The following SEC61A2 variants were observed in gnomAD, a reference collection of about 807,000 sequenced individuals.
The protein encoded by SEC61A2 is SEC61 translocon subunit alpha 2, also known as protein transport protein Sec61 subunit alpha isoform 2.
SEC61A2 carries 28 observed loss-of-function variants against 59.9 expected under a neutral mutation model. That is an observed-to-expected ratio of 0.47 (90% CI 0.35 to 0.64). The LOEUF (loss-of-function observed/expected upper bound fraction) is 0.64. Ranked by LOEUF, SEC61A2 falls within the 30% of genes least tolerant of loss-of-function variation. The pLI is 0.01. For synonymous variants in SEC61A2, 202 were observed against 214.4 expected (o/e 0.94, Z 0.50); for missense variants, 340 against 585.9 (o/e 0.58, Z 4.33).
chr10:12,153,744 C>G lies in SEC61A2; in HGVS notation c.463-2034C>G. ...CCATTGGTGTCTTTTCAAGGCGTTA[C>G]TAACATTGAAAATATGTGGATACAC... On this transcript the variant is annotated intron_variant, in intron 6 of 11. Coordinates refer to ENST00000298428, the MANE Select transcript of SEC61A2 (RefSeq NM_018144.4). The surrounding 1 kb of genome is among the most constrained non-coding windows in gnomAD (Gnocchi z 5.2). 6.2e-7 allele frequency: 1 copy of G among 1,611,330 alleles called. No homozygotes were observed. The highest frequency in any genetic ancestry group is 8.5e-7 in the Non-Finnish European group (1 of 1,179,374).
At chr10:12,146,554 G>C (rs1422082018) in intron 4 of SEC61A2, among the ~76,000 whole-genome samples, 3 of 150,896 alleles carry the variant, frequency 2.0e-5, no homozygotes, top group Non-Finnish European at 4.4e-5. Context: ...GTCTCGCTCT[G>C]TCACCCAGGC....
intron 4 of SEC61A2, among the ~76,000 whole-genome samples, chr10:12,144,792 T>C (rs796071659): frequency 6.1e-4 from 93 of 152,286 alleles, no homozygotes; most frequent in African/African-American, 2.2e-3. Context: ...GGCTCATGCC[T>C]GTGATCCCAA....
rs1482589815 is a variant in SEC61A2, at chr10:12,158,021, G to A, written c.891G>A (p.Leu297=). The change falls in exon 9 of 12, where the codon CTG becomes CTA. Residue 297 remains leucine, a synonymous_variant. Transcript: ENST00000298428. The surrounding 1 kb of genome is among the most constrained non-coding windows in gnomAD (Gnocchi z 5.7). The stretch of plus-strand genomic sequence containing the variant: ...TCCCCATCATCCTCCAGTCGGCCCT[G>A]GTGTCCAACCTGTATGTTATTTCCC... The part of the protein sequence containing the change: ...SNIPIILQSA[L]VSNLYVISQM... The A allele has an allele frequency of 6.2e-7, 1 of 1,614,126 alleles. No individual in the cohort carries two copies. Among genetic ancestry groups the A allele is most frequent in the South Asian group, 1.1e-5 (1 of 91,078 alleles).
rs1368609993 is a variant in SEC61A2 at position 12,152,108 on chromosome 10, G to C, written c.462+2147G>C. On this transcript the variant is annotated intron_variant, in intron 6 of 11. Transcript: ENST00000298428. The surrounding 1 kb of genome is among the most constrained non-coding windows in gnomAD (Gnocchi z 5.5). ...GGCAGGAATTTTTTTTTTCGAGACG[G>C]AGTCCTGCTCTGTCTCCCAGACTAA... Among the ~76,000 whole-genome samples the C allele has an allele frequency of 6.6e-6, 1 of 151,816 alleles. No individual in the cohort carries two copies. Among genetic ancestry groups the C allele is most frequent in the Non-Finnish European group, 1.5e-5 (1 of 67,974 alleles).
chr10:12,146,584 G>C (rs61848309), intron 4 of SEC61A2, among the ~76,000 whole-genome samples: 38,205 of 150,292 alleles, frequency 0.25, 5,143 homozygotes, highest in Middle Eastern at 0.32. Context: ...GTGGCGCGAT[G>C]TCAGCTCACT....
chr10:12,163,338 T>A (rs573405626), intron 11 of SEC61A2, among the ~76,000 whole-genome samples: 6,272 of 77,834 alleles, frequency 0.081, 182 homozygotes, highest in Non-Finnish European at 0.12. Flanking sequence ...TTTTTTTTTT[T>A]ATCTGAGATG....
At chr10:12,169,898 T>C (rs1434343324), downstream of SEC61A2, 1 of 478,018 alleles carries the variant, frequency 2.1e-6, no homozygotes, top group Non-Finnish European at 3.7e-6. This position sits in a 1 kb window ranked among gnomAD's most constrained non-coding sequence, Gnocchi z 4.8. Context: ...TTAAAAACAG[T>C]AGAAAAATCA....
At chr10:12,131,940 G>A (rs1166575220) in intron 1 of SEC61A2, among the ~76,000 whole-genome samples, 43 of 2,630 alleles carry the variant, frequency 0.016, 3 homozygotes, top group Non-Finnish European at 0.021. Context: ...CAAGTGATCC[G>A]CCTTTCTCGG....
chr10:12,131,131 C>T (rs532718243), intron 1 of SEC61A2, among the ~76,000 whole-genome samples: 70 of 152,312 alleles, frequency 4.6e-4, no homozygotes, highest in Non-Finnish European at 6.8e-4. Flanking sequence ...GGAGATCATG[C>T]CACTGCACTT....
chr10:12,139,509 G>A (rs1302333087), intron 3 of SEC61A2, among the ~76,000 whole-genome samples: 1 of 151,888 alleles, frequency 6.6e-6, no homozygotes, highest in African/African-American at 2.4e-5. Context: ...ATTGAGCTGG[G>A]CGCGGTAGCT....
Position 12,156,850 on chromosome 10 carries a change from G to C in SEC61A2, c.617-57G>C. On this transcript the variant is annotated intron_variant, in intron 7 of 11. Transcript: ENST00000298428. The surrounding 1 kb of genome is among the most constrained non-coding windows in gnomAD (Gnocchi z 5.2). ...TGGACTTTCACGGTTAGTTGTTTGA[G>C]CTTTGGGACAGCTTTGGACGATGAG... 6.4e-7 allele frequency: 1 copy of C among 1,572,408 alleles called. No individual in the cohort carries two copies. Among genetic ancestry groups the C allele is most frequent in the Non-Finnish European group, 8.6e-7 (1 of 1,159,504 alleles).
At chr10:12,150,762 AGT>A (rs909162989) in intron 6 of SEC61A2, among the ~76,000 whole-genome samples, 12 of 151,654 alleles carry the variant, frequency 7.9e-5, no homozygotes, top group African/African-American at 2.9e-4. Flanking sequence ...CATAATTATT[AGT>A]GTCCTAAGTA....
At chr10:12,163,053 T>C (rs1249360088) in intron 11 of SEC61A2, among the ~76,000 whole-genome samples, 1 of 152,238 alleles carries the variant, frequency 6.6e-6, no homozygotes, top group Non-Finnish European at 1.5e-5. Context: ...GTTGTGAACA[T>C]ATTTGTACAA....
chr10:12,136,562 C>T (rs909553192), intron 3 of SEC61A2, among the ~76,000 whole-genome samples: 2 of 152,352 alleles, frequency 1.3e-5, no homozygotes, highest in Non-Finnish European at 1.5e-5. Context: ...GACTCTTCTT[C>T]CTTGGGCTCC....
Position 12,142,415 on chromosome 10 carries a change from T to A in SEC61A2, c.142-702T>A, listed in dbSNP as rs1407440996. The A allele has an allele frequency of 9.2e-6, 4 of 434,060 alleles. No individual in the cohort carries two copies. In the Admixed American group the frequency reaches 2.6e-4, roughly 28 times the overall value. 26.9% of individuals were successfully genotyped at this position (434,060 alleles called of 1,614,324 possible). A position where few individuals can be genotyped will look rare whatever the true frequency, so the allele number is the denominator to read the frequency against. On this transcript the variant is annotated intron_variant, in intron 3 of 11. Transcript: ENST00000298428. The surrounding 1 kb of genome is among the most constrained non-coding windows in gnomAD (Gnocchi z 5.4). ...TATTTAGTTTTATGACATAAGTACT[T>A]CTTCCATGTTATTACAGATTGAGTA...
In SEC61A2 at chr10:12,156,797, C is replaced by A. The variant is rs1834405796; in HGVS notation, c.617-110C>A. 9.5e-7 allele frequency: 1 copy of A among 1,053,742 alleles called. No individual in the cohort carries two copies. Among genetic ancestry groups the A allele is most frequent in the Non-Finnish European group, 1.4e-6 (1 of 712,188 alleles). 65.3% of individuals were successfully genotyped at this position (1,053,742 alleles called of 1,614,324 possible). A position where few individuals can be genotyped will look rare whatever the true frequency, so the allele number is the denominator to read the frequency against. On this transcript the variant is annotated intron_variant, in intron 7 of 11. Coordinates refer to ENST00000298428, the MANE Select transcript of SEC61A2 (RefSeq NM_018144.4). This position sits in a 1 kb window ranked among gnomAD's most constrained non-coding sequence, Gnocchi z 5.2. Reference sequence around the variant, plus strand: ...ATCATAAAGCAAACATTGGCGAATTCTTTTGACCCATATTTTCTGCTGTAT... The same window carrying A: ...ATCATAAAGCAAACATTGGCGAATTATTTTGACCCATATTTTCTGCTGTAT...
chr10:12,148,345 A>C (rs1264655197), intron 4 of SEC61A2, among the ~76,000 whole-genome samples: 1 of 150,962 alleles, frequency 6.6e-6, no homozygotes, highest in Non-Finnish European at 1.5e-5. Flanking sequence ...TCCCGGGTTC[A>C]AGCAATTCAC....
chr10:12,135,790 C>T (rs1392781793), intron 2 of SEC61A2, among the ~76,000 whole-genome samples: 1 of 152,162 alleles, frequency 6.6e-6, no homozygotes, highest in Admixed American at 6.6e-5. Flanking sequence ...CTGCAAGGGA[C>T]ATGGTTTCAT....
Position 12,155,429 on chromosome 10 carries a change from T to A in SEC61A2, c.463-349T>A. 7.6e-7 allele frequency: 1 copy of A among 1,311,484 alleles called. No homozygotes were observed. Among genetic ancestry groups the A allele is most frequent in the Non-Finnish European group, 1.0e-6 (1 of 963,688 alleles). The allele number at this position is 1,311,484 out of a possible 1,614,324, so 81.2% of individuals were successfully genotyped here. A position where few individuals can be genotyped will look rare whatever the true frequency, so the allele number is the denominator to read the frequency against. On this transcript the variant is annotated intron_variant, in intron 6 of 11. Transcript: ENST00000298428. This position sits in a 1 kb window ranked among gnomAD's most constrained non-coding sequence, Gnocchi z 4.3. ...AGGTATTTGGGATGTTTTCAGTTTC[T>A]TGCTGTCATAAATTCTAGAATACTG...
Sources: gnomAD v4.1 joint callset for allele counts (sites outside exome capture counted in the v4.1 genomes callset) on GRCh38, gnomAD v4.1.1 for gene constraint, Gnocchi (gnomAD v3.1) non-coding constraint, MANE v1.5 for transcripts, NCBI Gene and HGNC (gene_info 2026-07-23, HGNC 2026-07-21) for gene names.